Variants in FBLN1 observed in about 807,000 individuals in gnomAD.
FBLN1 encodes the protein fibulin 1, also known as fibulin-1.
FBLN1 carries 34 observed loss-of-function variants against 89.7 expected under a neutral mutation model. The ratio of observed to expected loss-of-function variants is 0.38; its 90% CI spans 0.29 to 0.50. The LOEUF is 0.50. Among genes scored for constraint, FBLN1 ranks in the 20% least tolerant of loss-of-function variants. The probability of loss-of-function intolerance (pLI) is 0.92; values close to 1 mark genes in which losing one functional copy is unlikely to be tolerated. For synonymous variants in FBLN1, 393 were observed against 391.3 expected (o/e 1.00, Z -0.05); for missense variants, 777 against 988.1 (o/e 0.79, Z 2.86).
chr22:45,525,010 A>G (rs2088301507), intron 2 of FBLN1, among the ~76,000 whole-genome samples: 1 of 152,024 alleles, frequency 6.6e-6, no homozygotes, highest in Admixed American at 6.6e-5. Flanking sequence ...CTTGAACCCG[A>G]GACGCAGAGG....
chr22:45,571,471 T>G (rs1474956386), intron 14 of FBLN1, among the ~76,000 whole-genome samples: 1 of 152,236 alleles, frequency 6.6e-6, no homozygotes, highest in Non-Finnish European at 1.5e-5. Context: ...CATAGCACAT[T>G]TATTTTTAAA....
chr22:45,553,070 G>A (rs1339018341), intron 14 of FBLN1, among the ~76,000 whole-genome samples: 1 of 152,228 alleles, frequency 6.6e-6, no homozygotes, highest in Non-Finnish European at 1.5e-5. Flanking sequence ...AGCCGTCGAT[G>A]GCCCCCCTGC....
intron 14 of FBLN1, among the ~76,000 whole-genome samples, chr22:45,566,859 G>A (rs2147018042): frequency 6.6e-6 from 1 of 152,328 alleles, no homozygotes; most frequent in East Asian, 1.9e-4. Context: ...AAGGAGAAAA[G>A]ACAGCAATAA....
chr22:45,554,327 G>C (rs2088749326), intron 14 of FBLN1, among the ~76,000 whole-genome samples: 1 of 152,342 alleles, frequency 6.6e-6, no homozygotes, highest in Admixed American at 6.5e-5. Context: ...CCCTGGGGGA[G>C]AGCTCTCAGA....
At chr22:45,510,211 T>G (rs2088080626) in intron 1 of FBLN1, among the ~76,000 whole-genome samples, 1 of 152,174 alleles carries the variant, frequency 6.6e-6, no homozygotes, top group South Asian at 2.1e-4. Context: ...ATGCCCCGGA[T>G]TTTGGAAGGA....
chr22:45,524,059 T>A (rs1023126072), intron 2 of FBLN1, among the ~76,000 whole-genome samples: 1 of 152,130 alleles, frequency 6.6e-6, no homozygotes, highest in Non-Finnish European at 1.5e-5. Flanking sequence ...ATGAGTGAAA[T>A]GTGTGCTAGC....
At chr22:45,505,916 C>T (rs111376052) in intron 1 of FBLN1, among the ~76,000 whole-genome samples, 67 of 152,260 alleles carry the variant, frequency 4.4e-4, no homozygotes, top group African/African-American at 1.3e-3. Context: ...GGATTGCAGG[C>T]GCCCATCACG....
At position 45,576,921 on chromosome 22, in the gene FBLN1, G is replaced by C. The variant is rs770932744; in HGVS notation, c.1841-56G>C. On this transcript the variant is annotated intron_variant, in intron 15 of 16. Transcript: ENST00000327858. This position sits in a 1 kb window ranked among gnomAD's most constrained non-coding sequence, Gnocchi z 5.2. ...GGGTGAGTTCCTGGGGACGAGGCTG[G>C]GACTGGGGCTGGGGCCAGGCTGTGC... 2.5e-6 allele frequency: 4 copies of C among 1,608,714 alleles called. No homozygotes were observed. Among genetic ancestry groups the C allele is most frequent in the Non-Finnish European group, 3.4e-6 (4 of 1,178,876 alleles).
Position 45,549,988 on chromosome 22 carries a change from C to T in FBLN1, c.1574-504C>T, listed in dbSNP as rs1425818714. ...CCTTTTCTCCTAAGAGGTTGAGTCA[C>T]ACCTAGGGTAAGGGTGCTGAGCCTC... On this transcript the variant is annotated intron_variant, in intron 13 of 16. Coordinates refer to ENST00000327858, the MANE Select transcript of FBLN1 (RefSeq NM_006486.3). The surrounding 1 kb of genome is among the most constrained non-coding windows in gnomAD (Gnocchi z 5.7). Among the ~76,000 whole-genome samples the T allele has an allele frequency of 6.6e-6, 1 of 152,164 alleles. No individual in the cohort carries two copies. The highest frequency in any genetic ancestry group is 1.5e-5 in the Non-Finnish European group (1 of 68,018).
In FBLN1 at chr22:45,600,648, A is replaced by G. The variant is rs1056019447; in HGVS notation, c.*202A>G. The G allele has an allele frequency of 1.7e-5, 11 of 655,052 alleles. No homozygotes were observed. The highest frequency in any genetic ancestry group is 1.3e-4 in the African/African-American group (7 of 55,600). 40.6% of individuals were successfully genotyped at this position (655,052 alleles called of 1,614,324 possible). A position where few individuals can be genotyped will look rare whatever the true frequency, so the allele number is the denominator to read the frequency against. On this transcript the variant is annotated 3_prime_UTR_variant, in exon 17 of 17. Coordinates refer to ENST00000327858, the MANE Select transcript of FBLN1 (RefSeq NM_006486.3). ...TTTAAAAAATGAGCCCAGTTGCTCA[A>G]CTGTTTGGTTGAAAACCTTGCTCAT...
rs2088640541 is a variant in FBLN1 at position 45,547,181 on chromosome 22, A to G, written c.1418A>G (p.Asp473Gly). ...CYCRRGYQLS[D>G]VDGVTCEDID... ...TGCCGGCGAGGCTACCAGCTCAGCGATGTGGATGGAGTCACCTGTGAAGGT... is the reference window on the plus strand; with the variant it reads ...TGCCGGCGAGGCTACCAGCTCAGCGGTGTGGATGGAGTCACCTGTGAAGGT... The change falls in exon 12 of 17, where the codon GAT becomes GGT. Residue 473 changes from aspartate to glycine, a missense_variant. Physicochemically the swap from Asp to Gly is moderately conservative, Grantham distance 94. Coordinates refer to ENST00000327858, the MANE Select transcript of FBLN1 (RefSeq NM_006486.3). The G allele has an allele frequency of 1.2e-6, 2 of 1,613,904 alleles. No individual in the cohort carries two copies. Among genetic ancestry groups the G allele is most frequent in the East Asian group, 2.2e-5 (1 of 44,876 alleles).
In FBLN1 at chr22:45,561,073, A is replaced by G. The variant is rs371631020; in HGVS notation, c.1697+10458A>G. ...CAGAGTTTATAAACTCAGTGTCCCC[A>G]GCTTCATCAGGCTCCTCCCACATGT... is the stretch of plus-strand genomic sequence containing the variant. On this transcript the variant is annotated intron_variant, in intron 14 of 16. Coordinates refer to ENST00000327858, the MANE Select transcript of FBLN1 (RefSeq NM_006486.3). The surrounding 1 kb of genome is among the most constrained non-coding windows in gnomAD (Gnocchi z 4.7). 6.6e-6 allele frequency among the ~76,000 whole-genome samples: 1 copy of G among 152,334 alleles called. No homozygotes were observed. The highest frequency in any genetic ancestry group is 6.5e-5 in the Admixed American group (1 of 15,298).
rs1392314272 is a variant in FBLN1 at position 45,537,240 on chromosome 22, T to G, written c.922+1903T>G. ...ATTTCAACTTTTCCTTAGCGAAATCTGTATTGATCATTTATTTGAAATAGT... is the reference window on the plus strand; with the variant it reads ...ATTTCAACTTTTCCTTAGCGAAATCGGTATTGATCATTTATTTGAAATAGT... On this transcript the variant is annotated intron_variant, in intron 8 of 16. Transcript: ENST00000327858. The surrounding 1 kb of genome is among the most constrained non-coding windows in gnomAD (Gnocchi z 5.7). Among the ~76,000 whole-genome samples, 1 of 152,248 alleles carries G rather than the reference T, an allele frequency of 6.6e-6. No homozygotes were observed. Among genetic ancestry groups the G allele is most frequent in the African/African-American group, 2.4e-5 (1 of 41,472 alleles).
chr22:45,600,955 C>G lies in FBLN1; in HGVS notation c.*509C>G, dbSNP rs1005840268. On this transcript the variant is annotated 3_prime_UTR_variant, in exon 17 of 17. Coordinates refer to ENST00000327858, the MANE Select transcript of FBLN1 (RefSeq NM_006486.3). ...GCATGACAGAATGCCTCGGGGAGCA[C>G]TTGGAAGGGAAATTGCAGTTCTGTT... The G allele has an allele frequency of 8.7e-5, 16 of 184,172 alleles. No homozygotes were observed. Among genetic ancestry groups the G allele is most frequent in the African/African-American group, 2.9e-4 (12 of 41,758 alleles). The allele number at this position is 184,172 out of a possible 1,614,324, so 11.4% of individuals were successfully genotyped here.
chr22:45,544,601 AG>A (rs1233787790), intron 11 of FBLN1, among the ~76,000 whole-genome samples: 1 of 152,112 alleles, frequency 6.6e-6, no homozygotes. Flanking sequence ...CAGCGCCTGT[AG>A]TCAGGTTTGG....
intron 7 of FBLN1, 129 bp downstream of exon 7, chr22:45,534,027 C>A: frequency 7.7e-7 from 1 of 1,291,018 alleles, no homozygotes; most frequent in Non-Finnish European, 1.1e-6. Context: ...CGACTGCCTG[C>A]TCATCTGCAG....
chr22:45,518,763 A>T lies in FBLN1; in HGVS notation c.161A>T (p.Tyr54Phe). The change falls in exon 2 of 17, where the codon TAT (tyrosine) becomes TTT (phenylalanine). Residue 54 changes from tyrosine (Y) to phenylalanine (F), a missense_variant. Physicochemically the swap from Tyr to Phe is conservative, Grantham distance 22 (BLOSUM62 3). Coordinates refer to ENST00000327858, the MANE Select transcript of FBLN1 (RefSeq NM_006486.3). ...CATCAGAAGGACTGCTCGCTGCCAT[A>T]TGCTACGGAATCCAAAGAATGCAGG... ...ATHQKDCSLPYATESKECRMV... is the reference protein window; with the variant it reads ...ATHQKDCSLPFATESKECRMV... 1 of 1,611,688 alleles carries T rather than the reference A, an allele frequency of 6.2e-7. No individual in the cohort carries two copies. Among genetic ancestry groups the T allele is most frequent in the Non-Finnish European group, 8.5e-7 (1 of 1,178,994 alleles).
chr22:45,543,875 G>A (rs934535234), intron 11 of FBLN1, among the ~76,000 whole-genome samples: 2 of 152,186 alleles, frequency 1.3e-5, no homozygotes, highest in Non-Finnish European at 2.9e-5. Context: ...CCGGGGAGAG[G>A]GGTTGATGTG....
chr22:45,574,529 A>G lies in FBLN1; in HGVS notation c.1716A>G (p.Thr572=). ...RSAATLQQEK[T]DTVRCIKSCR... Reference sequence around the variant, plus strand: ...CCCTCAGGCTCCAGCAGGAGAAGACAGACACGGTCCGCTGCATCAAGTCCT... The same window carrying G: ...CCCTCAGGCTCCAGCAGGAGAAGACGGACACGGTCCGCTGCATCAAGTCCT... The change falls in exon 15 of 17, where the codon ACA becomes ACG. Residue 572 remains threonine (T), a synonymous_variant. Transcript: ENST00000327858. This position sits in a 1 kb window ranked among gnomAD's most constrained non-coding sequence, Gnocchi z 4.1. 6.2e-7 allele frequency: 1 copy of G among 1,614,162 alleles called. No homozygotes were observed. Among genetic ancestry groups the G allele is most frequent in the South Asian group, 1.1e-5 (1 of 91,084 alleles).
Sources: allele counts gnomAD v4.1 joint callset (sites outside exome capture counted in the v4.1 genomes callset), GRCh38; gene constraint gnomAD v4.1.1; non-coding constraint Gnocchi (gnomAD v3.1); transcripts MANE v1.5; gene names NCBI Gene and HGNC (gene_info 2026-07-23, HGNC 2026-07-21).